ATP10A: variants seen among roughly 807,000 people sequenced by gnomAD.
ATP10A encodes phospholipid-transporting ATPase VA.
ATP10A carries 111 observed loss-of-function variants against 147.8 expected under a neutral mutation model. The ratio of observed to expected loss-of-function variants is 0.75; its 90% CI spans 0.64 to 0.88. ATP10A has a LOEUF of 0.88. Ranked by LOEUF, ATP10A falls within the 40% of genes least tolerant of loss-of-function variation. The probability of loss-of-function intolerance (pLI) is 0.00; values close to 1 mark genes in which losing one functional copy is unlikely to be tolerated. For synonymous variants in ATP10A, 875 were observed against 841.6 expected (o/e 1.04, Z -0.69); for missense variants, 1,927 against 1,959.0 (o/e 0.98, Z 0.31).
chr15:25,673,972 A>T (rs1899089359), downstream of ATP10A, among the ~76,000 whole-genome samples: 1 of 152,186 alleles, frequency 6.6e-6, no homozygotes, highest in Non-Finnish European at 1.5e-5. Context: ...TCCCGGCTCC[A>T]GCTGTGCTGT....
intron 1 of ATP10A, among the ~76,000 whole-genome samples, chr15:25,842,513 A>T (rs1273403598): frequency 6.6e-6 from 1 of 152,196 alleles, no homozygotes; most frequent in Admixed American, 6.5e-5. Context: ...CCCTGTTTTT[A>T]AAGTTTTCTA....
intron 3 of ATP10A, among the ~76,000 whole-genome samples, chr15:25,732,365 A>C (rs1354636450): frequency 2.0e-5 from 3 of 151,820 alleles, no homozygotes; most frequent in Admixed American, 2.0e-4. Context: ...CCTCCCAGGT[A>C]GCTGGTACTA....
At chr15:25,740,516 G>A (rs1249128302) in intron 2 of ATP10A, among the ~76,000 whole-genome samples, 1 of 152,216 alleles carries the variant, frequency 6.6e-6, no homozygotes, top group Non-Finnish European at 1.5e-5. Context: ...GCACCAGCAA[G>A]AAGACGTGGA....
intron 17 of ATP10A, among the ~76,000 whole-genome samples, chr15:25,682,053 T>TAAA (rs5811392): frequency 7.9e-6 from 1 of 127,192 alleles, no homozygotes. Flanking sequence ...GACCTTGTCT[T>TAAA]AAAAAAAAAA....
chr15:25,690,205 C>T (rs1279252963), intron 15 of ATP10A, among the ~76,000 whole-genome samples: 1 of 148,630 alleles, frequency 6.7e-6, no homozygotes, highest in African/African-American at 2.5e-5. Flanking sequence ...ATTCATGACA[C>T]ACCTACGTTT....
intron 6 of ATP10A, among the ~76,000 whole-genome samples, chr15:25,722,924 TTAA>T (rs1262949845): frequency 6.6e-6 from 1 of 152,122 alleles, no homozygotes; most frequent in Admixed American, 6.5e-5. Context: ...GGCATGCGAA[TTAA>T]TAATAATAGT....
chr15:25,769,117 T>C (rs1889195165), intron 2 of ATP10A, among the ~76,000 whole-genome samples: 1 of 152,144 alleles, frequency 6.6e-6, no homozygotes, highest in African/African-American at 2.4e-5. Context: ...CACACTCTAA[T>C]CAGATTTTCG....
At chr15:25,710,224 A>G (rs1007067365) in intron 10 of ATP10A, 3 of 152,238 alleles carry the variant, frequency 2.0e-5, no homozygotes, top group Non-Finnish European at 2.9e-5. Context: ...CTGTGCCTGG[A>G]ACTCAGCTCC....
Position 25,718,113 on chromosome 15 carries a change from A to C in ATP10A, c.1581+69T>G, listed in dbSNP as rs563643668. The C allele has an allele frequency of 3.3e-6, 5 of 1,506,030 alleles. No homozygotes were observed. In the African/African-American group the frequency reaches 6.9e-5, roughly 21 times the overall value. 93.3% of individuals were successfully genotyped at this position (1,506,030 alleles called of 1,614,324 possible). ...GTAGGATTAAATATAGACACCTTCC[A>C]TGAGCGGGGGATGGTGAAAATGGGG... On this transcript the variant is annotated intron_variant, in intron 8 of 20. Coordinates refer to ENST00000555815, the MANE Select transcript of ATP10A (RefSeq NM_024490.4).
chr15:25,750,384 G>A (rs957672746), intron 2 of ATP10A, among the ~76,000 whole-genome samples: 2 of 151,984 alleles, frequency 1.3e-5, no homozygotes, highest in Non-Finnish European at 2.9e-5. Context: ...AAATAAAGAT[G>A]TTTGCACATA....
At chr15:25,800,291 A>T (rs568912906) in intron 1 of ATP10A, among the ~76,000 whole-genome samples, 1 of 152,256 alleles carries the variant, frequency 6.6e-6, no homozygotes, top group South Asian at 2.1e-4. Flanking sequence ...TGAGTTTTCT[A>T]TGTCCTGGAC....
chr15:25,761,014 C>G (rs1302589445), intron 2 of ATP10A, among the ~76,000 whole-genome samples: 1 of 152,028 alleles, frequency 6.6e-6, no homozygotes, highest in African/African-American at 2.4e-5. Flanking sequence ...TGTAAACAAC[C>G]CAAATGTCTA....
At chr15:25,839,702 T>G (rs1476035419) in intron 1 of ATP10A, among the ~76,000 whole-genome samples, 2 of 152,152 alleles carry the variant, frequency 1.3e-5, no homozygotes, top group Non-Finnish European at 2.9e-5. Flanking sequence ...CTCCTTACCA[T>G]TAATAACTCA....
chr15:25,842,361 C>T (rs542583926), intron 1 of ATP10A, among the ~76,000 whole-genome samples: 1 of 152,296 alleles, frequency 6.6e-6, no homozygotes, highest in African/African-American at 2.4e-5. Flanking sequence ...TTGCTACCCC[C>T]TCATGTCCTG....
intron 1 of ATP10A, among the ~76,000 whole-genome samples, chr15:25,804,386 TGA>T (rs1241678477): frequency 6.6e-6 from 1 of 151,528 alleles, no homozygotes; most frequent in Admixed American, 6.6e-5. Flanking sequence ...ATGGTGTGTG[TGA>T]GTGCATATGC....
At chr15:25,784,145 G>C (rs1364136172) in intron 1 of ATP10A, among the ~76,000 whole-genome samples, 1 of 152,200 alleles carries the variant, frequency 6.6e-6, no homozygotes, top group African/African-American at 2.4e-5. Flanking sequence ...GGCTCCTGCA[G>C]AGGACACGAA....
chr15:25,834,842 G>A (rs1254678075), intron 1 of ATP10A, among the ~76,000 whole-genome samples: 1 of 152,194 alleles, frequency 6.6e-6, no homozygotes, highest in Non-Finnish European at 1.5e-5. Flanking sequence ...AACATGCTAT[G>A]TGAACGAAAC....
intron 12 of ATP10A, among the ~76,000 whole-genome samples, chr15:25,705,793 G>A (rs913162738): frequency 6.6e-6 from 1 of 152,208 alleles, no homozygotes. Flanking sequence ...AAAAGGCGAC[G>A]TGAGATTCCT....
Position 25,835,974 on chromosome 15 carries a change from C to T in ATP10A, c.449+26674G>A, listed in dbSNP as rs111345144. Among the ~76,000 whole-genome samples, 41 of 152,272 alleles carry T rather than the reference C, an allele frequency of 2.7e-4. No homozygotes were observed. The East Asian group carries it at 5.2e-3, about 19-fold the overall frequency. On this transcript the variant is annotated intron_variant, in intron 1 of 20. Coordinates refer to ENST00000555815, the MANE Select transcript of ATP10A (RefSeq NM_024490.4). ...GACCACAGGTGCCTGCCACCACGGCCGGCTAATTTTGTGTATTTTTAGTAG... is the reference window on the plus strand; with the variant it reads ...GACCACAGGTGCCTGCCACCACGGCTGGCTAATTTTGTGTATTTTTAGTAG...
Sources: allele counts gnomAD v4.1 joint callset (sites outside exome capture counted in the v4.1 genomes callset), GRCh38; gene constraint gnomAD v4.1.1; transcripts MANE v1.5; gene names NCBI Gene and HGNC (gene_info 2026-07-23, HGNC 2026-07-21).